Variants in FREM3 observed in about 807,000 individuals in gnomAD.
FREM3 encodes FRAS1-related extracellular matrix protein 3.
In FREM3, 105 loss-of-function variants were observed where a neutral mutation model predicts 129.1. The observed-to-expected ratio is 0.81, with a 90% CI of 0.69 to 0.96. The LOEUF (loss-of-function observed/expected upper bound fraction) is 0.96, where lower values mean the gene tolerates loss of function less well. FREM3 is among the 40% of genes least tolerant of loss of function. The probability of loss-of-function intolerance (pLI) is 0.00; values close to 1 mark genes in which losing one functional copy is unlikely to be tolerated. For missense variants in FREM3, 2,593 were observed against 2,666.3 expected (o/e 0.97, Z 0.61); for synonymous variants, 1,014 against 1,044.9 (o/e 0.97, Z 0.57).
intron 5 of FREM3, among the ~76,000 whole-genome samples, chr4:143,618,906 C>T (rs989237696): frequency 1.3e-5 from 2 of 152,000 alleles, no homozygotes; most frequent in East Asian, 3.9e-4. Context: ...AAAATCCTCC[C>T]CCAACCTACC....
intron 2 of FREM3, among the ~76,000 whole-genome samples, chr4:143,677,472 C>T (rs1578865328): frequency 1.3e-5 from 2 of 152,310 alleles, no homozygotes; most frequent in African/African-American, 4.8e-5. Context: ...CCATTCAGGA[C>T]ATAGGCATGG....
intron 2 of FREM3, among the ~76,000 whole-genome samples, chr4:143,677,590 G>A (rs577661929): frequency 2.9e-3 from 441 of 152,180 alleles, no homozygotes; most frequent in African/African-American, 3.7e-3. Context: ...AGAAACTACC[G>A]TCAGAGTGAA....
rs1039191299 is a variant in FREM3 at position 143,667,822 on chromosome 4, A to G, written c.5275+25291T>C. ...TTTTCCCTAGCTAGTCTCAAAGGGA[A>G]TTCAATTTCCCTCTCTTTAGTAGGA... On this transcript the variant is annotated intron_variant, in intron 2 of 7. Coordinates refer to ENST00000329798, the MANE Select transcript of FREM3 (RefSeq NM_001168235.2). 6.6e-5 allele frequency among the ~76,000 whole-genome samples: 10 copies of G among 152,312 alleles called. No homozygotes were observed. The South Asian group carries it at 1.2e-3, about 19-fold the overall frequency.
chr4:143,599,564 G>T (rs1014771760), intron 6 of FREM3, among the ~76,000 whole-genome samples: 1 of 152,184 alleles, frequency 6.6e-6, no homozygotes, highest in Non-Finnish European at 1.5e-5. Context: ...GAGGATTATG[G>T]TAGGAGGTGT....
rs202139059 is a variant in FREM3 at position 143,698,980 on chromosome 4, C to T, written c.1696G>A (p.Val566Ile). 197 of 1,537,120 alleles carry T rather than the reference C, an allele frequency of 1.3e-4. No homozygotes were observed. The highest frequency in any genetic ancestry group is 2.7e-4 in the South Asian group (23 of 84,062). Reference protein sequence around the residue: ...EGQVVQISPFVLSATDIDSED... With the variant: ...EGQVVQISPFILSATDIDSED... ...GAGTCAATATCAGTAGCACTCAGTA[C>T]AAAGGGAGAGATCTGGACCACCTGC... The change falls in exon 1 of 8, where the codon GTA becomes ATA. Residue 566 changes from valine (V) to isoleucine (I), a missense_variant. Transcript: ENST00000329798.
At chr4:143,635,311 G>C (rs559710941) in intron 2 of FREM3, among the ~76,000 whole-genome samples, 8 of 151,998 alleles carry the variant, frequency 5.3e-5, no homozygotes, top group African/African-American at 1.9e-4. Context: ...TGAAGCATAA[G>C]TATAATTTTC....
At chr4:143,627,592 C>G (rs1739063233) in intron 3 of FREM3, 22 bp downstream of exon 3, 1 of 1,528,682 alleles carries the variant, frequency 6.5e-7, no homozygotes, top group Non-Finnish European at 8.8e-7. Flanking sequence ...CTTTTACCAA[C>G]AACCAATCCA....
At chr4:143,606,052 A>C (rs538515222) in intron 6 of FREM3, among the ~76,000 whole-genome samples, 1 of 152,086 alleles carries the variant, frequency 6.6e-6, no homozygotes, top group African/African-American at 2.4e-5. Flanking sequence ...TTGTTCACTT[A>C]TTAAGTAGCA....
rs567780185 is a variant in FREM3, at chr4:143,580,532, C to T, written c.6179-2680G>A. On this transcript the variant is annotated intron_variant, in intron 7 of 7. Coordinates refer to ENST00000329798, the MANE Select transcript of FREM3 (RefSeq NM_001168235.2). ...CCCAGGGGCTTTGGACCCCTGGGAA[C>T]ACTGGTACCAGCCTCTGGAGCTCCT... Among the ~76,000 whole-genome samples, 9 of 152,310 alleles carry T rather than the reference C, an allele frequency of 5.9e-5. No individual in the cohort carries two copies. In the South Asian group the frequency reaches 1.7e-3, roughly 28 times the overall value.
intron 6 of FREM3, among the ~76,000 whole-genome samples, chr4:143,597,443 G>T (rs1343241297): frequency 1.3e-5 from 2 of 152,194 alleles, no homozygotes; most frequent in African/African-American, 4.8e-5. Context: ...TTTTATGCCA[G>T]TATCTTACTA....
chr4:143,662,644 C>G (rs980016706), intron 2 of FREM3, among the ~76,000 whole-genome samples: 1 of 151,878 alleles, frequency 6.6e-6, no homozygotes, highest in African/African-American at 2.4e-5. Flanking sequence ...TCCTTGTTAA[C>G]TTTCTTTCTC....
intron 2 of FREM3, among the ~76,000 whole-genome samples, chr4:143,628,116 G>A (rs1739076705): frequency 6.6e-6 from 1 of 151,914 alleles, no homozygotes. Context: ...CACTCCCTCT[G>A]CCTCCTCCAT....
Position 143,698,494 on chromosome 4 carries a change from G to A in FREM3, c.2182C>T (p.Leu728Phe). 1.3e-6 allele frequency: 2 copies of A among 1,537,744 alleles called. No individual in the cohort carries two copies. The highest frequency in any genetic ancestry group is 1.7e-6 in the Non-Finnish European group (2 of 1,147,028). The change falls in exon 1 of 8, where the codon CTC becomes TTC. Residue 728 changes from leucine (L) to phenylalanine (F), a missense_variant. By Grantham distance (22) the Leu-to-Phe change is conservative (BLOSUM62 0). Around this residue, in one of 2 missense-constraint regions of FREM3, gnomAD observed 2,276 missense variants for 2,267.2 expected, o/e 1.00. Transcript: ENST00000329798. The stretch of plus-strand genomic sequence containing the variant: ...TCAGAGTCCTGGTCAATGTATCGGA[G>A]GAAATTCTTCTGGAAGTGAGTGAGT... Reference protein sequence around the residue: ...YQLTHFQKNFLRYIDQDSDDQ... With the variant: ...YQLTHFQKNFFRYIDQDSDDQ...
intron 2 of FREM3, among the ~76,000 whole-genome samples, chr4:143,639,698 A>G (rs999933306): frequency 1.3e-5 from 2 of 152,182 alleles, no homozygotes; most frequent in Non-Finnish European, 2.9e-5. Context: ...GAAGGCATAC[A>G]AACTGTCTGG....
At chr4:143,623,947 A>G (rs1208299644) in intron 4 of FREM3, among the ~76,000 whole-genome samples, 161 bp downstream of exon 4, 1 of 152,248 alleles carries the variant, frequency 6.6e-6, no homozygotes, top group Non-Finnish European at 1.5e-5. Flanking sequence ...TCCTGAGAGC[A>G]AATGAAAAAT....
chr4:143,675,544 G>C (rs1207847295), intron 2 of FREM3, among the ~76,000 whole-genome samples: 3 of 152,144 alleles, frequency 2.0e-5, no homozygotes, highest in Non-Finnish European at 1.5e-5. Context: ...TAAGATCAGA[G>C]CAGAACTGAG....
At position 143,676,880 on chromosome 4, in the gene FREM3, A is replaced by G. The variant is rs1323575717; in HGVS notation, c.5275+16233T>C. On this transcript the variant is annotated intron_variant, in intron 2 of 7. Transcript: ENST00000329798. ...AAGGAGAACTACAAACCACTGCTCA[A>G]TGAAATAAAAGAGGATACAAACAAA... Among the ~76,000 whole-genome samples, 9 of 152,330 alleles carry G rather than the reference A, an allele frequency of 5.9e-5. No individual in the cohort carries two copies. In the East Asian group the frequency reaches 1.2e-3, roughly 20 times the overall value.
chr4:143,579,265 C>G (rs1738093237), intron 7 of FREM3, among the ~76,000 whole-genome samples: 1 of 152,058 alleles, frequency 6.6e-6, no homozygotes, highest in Non-Finnish European at 1.5e-5. Flanking sequence ...ACCAGCCTGG[C>G]CAACCTGGTG....
At chr4:143,586,543 C>T (rs571811217) in intron 6 of FREM3, among the ~76,000 whole-genome samples, 8 of 152,120 alleles carry the variant, frequency 5.3e-5, no homozygotes, top group African/African-American at 1.4e-4. Flanking sequence ...ATGCCAGAAG[C>T]GCTTCCCCAG....
Sources: allele counts gnomAD v4.1 joint callset (sites outside exome capture counted in the v4.1 genomes callset), GRCh38; gene constraint gnomAD v4.1.1; regional missense constraint gnomAD v4.1.1; transcripts MANE v1.5; gene names NCBI Gene and HGNC (gene_info 2026-07-23, HGNC 2026-07-21).